Variants in FAM72A observed in about 807,000 individuals in gnomAD.
FAM72A encodes protein FAM72A.
FAM72A carries 1 observed loss-of-function variant against 11.3 expected under a neutral mutation model. That is an observed-to-expected ratio of 0.09 (90% CI 0.03 to 0.42). FAM72A has a LOEUF of 0.42. Ranked by LOEUF, FAM72A falls within the 10% of genes least tolerant of loss-of-function variation. The pLI, the probability that FAM72A is intolerant of heterozygous loss-of-function variation, is 0.98. For synonymous variants in FAM72A, 5 were observed against 46.9 expected (o/e 0.11, Z 3.65); for missense variants, 15 against 135.5 (o/e 0.11, Z 4.41).
intron 3 of FAM72A, among the ~76,000 whole-genome samples, chr1:206,192,026 TTTTGGCAATCC>T (rs1253762483): frequency 2.3e-5 from 3 of 129,660 alleles, no homozygotes; most frequent in Admixed American, 7.9e-5. Flanking sequence ...AAATGGAAGG[TTTTGGCAATCC>T]TGCATTGAGT....
At chr1:206,200,319 T>C in intron 1 of FAM72A, among the ~76,000 whole-genome samples, 1 of 150,614 alleles carries the variant, frequency 6.6e-6, no homozygotes, top group Non-Finnish European at 1.5e-5. Flanking sequence ...AGCTGAAAGC[T>C]AACATAGAAC....
At chr1:206,204,162 C>G, upstream of FAM72A, 1 of 441,686 alleles carries the variant, frequency 2.3e-6, no homozygotes, top group East Asian at 3.8e-5. Context: ...CCACTCCCAT[C>G]CCTAGACCAC....
chr1:206,198,121 AGGGAG>A (rs1553298610), intron 2 of FAM72A, among the ~76,000 whole-genome samples: 2 of 150,950 alleles, frequency 1.3e-5, no homozygotes, highest in Non-Finnish European at 2.9e-5. Context: ...CCTAGCACTT[AGGGAG>A]GCCAAGGCAG....
At chr1:206,203,541 A>G (rs1553299818), upstream of FAM72A, 3 of 552,136 alleles carry the variant, frequency 5.4e-6, no homozygotes, top group East Asian at 3.0e-5. Context: ...AGGCTCCTCC[A>G]GGGACTGGGG....
intron 3 of FAM72A, among the ~76,000 whole-genome samples, chr1:206,191,612 CAAA>C (rs541222246): frequency 1.2e-5 from 1 of 85,436 alleles, no homozygotes; most frequent in Non-Finnish European, 2.4e-5. Flanking sequence ...AACTCTGTCT[CAAA>C]AAAAAAAAAA....
At chr1:206,191,305 A>AC (rs1664776737) in intron 3 of FAM72A, among the ~76,000 whole-genome samples, 1 of 103,342 alleles carries the variant, frequency 9.7e-6, no homozygotes, top group Non-Finnish European at 1.8e-5. Flanking sequence ...TCTCAAAAAA[A>AC]AAAAAAAAAA....
In FAM72A at chr1:206,191,929, C is replaced by T. The variant is rs563651219; in HGVS notation, c.355+3823G>A. 1.2e-3 allele frequency among the ~76,000 whole-genome samples: 179 copies of T among 149,694 alleles called. 3 individuals carry two copies. The highest frequency in any genetic ancestry group is 4.2e-3 in the African/African-American group (170 of 40,428). ...GTGTGGGATTACAGGTGTGAGCCAC[C>T]ATGCCTGGCCTTGCTAAAATAATTA... is the stretch of plus-strand genomic sequence containing the variant. On this transcript the variant is annotated intron_variant, in intron 3 of 3. Transcript: ENST00000367128.
upstream of FAM72A, chr1:206,203,713 C>T (rs1665546073): frequency 7.2e-7 from 1 of 1,393,346 alleles, no homozygotes; most frequent in Non-Finnish European, 9.6e-7. Flanking sequence ...CCTGACTGAA[C>T]AAACCGGGGC....
At chr1:206,194,506 G>A (rs1178418979) in intron 3 of FAM72A, among the ~76,000 whole-genome samples, 1 of 151,868 alleles carries the variant, frequency 6.6e-6, no homozygotes, top group African/African-American at 2.4e-5. Context: ...ACATGCTACA[G>A]AGAAATCTTT....
At chr1:206,193,121 C>G (rs1243353437) in intron 3 of FAM72A, among the ~76,000 whole-genome samples, 3 of 151,564 alleles carry the variant, frequency 2.0e-5, no homozygotes, top group Non-Finnish European at 4.4e-5. Flanking sequence ...CCATGTTGGT[C>G]AGGCTGGTCT....
At chr1:206,191,450 C>T in intron 3 of FAM72A, among the ~76,000 whole-genome samples, 1 of 146,106 alleles carries the variant, frequency 6.8e-6, no homozygotes, top group East Asian at 2.0e-4. Context: ...GAAACCCTGT[C>T]TCTACTAAAA....
chr1:206,203,605 G>A (rs1245447998), upstream of FAM72A: 2 of 598,628 alleles, frequency 3.3e-6, no homozygotes, highest in East Asian at 5.6e-5. Flanking sequence ...AGAGCTCTGA[G>A]TGGGAAGCGG....
At chr1:206,204,791 G>GCC (rs1479102686), upstream of FAM72A, 1 of 119,928 alleles carries the variant, frequency 8.3e-6, no homozygotes, top group African/African-American at 3.8e-5. Flanking sequence ...CCTTCCGCTC[G>GCC]CCGCCCCCCG....
At chr1:206,196,984 C>A (rs1161754393) in intron 2 of FAM72A, among the ~76,000 whole-genome samples, 1 of 146,840 alleles carries the variant, frequency 6.8e-6, no homozygotes, top group Non-Finnish European at 1.5e-5. Flanking sequence ...ATAAAGATTA[C>A]TATAAAAGGT....
intron 2 of FAM72A, among the ~76,000 whole-genome samples, chr1:206,198,101 C>T (rs570111713): frequency 2.1e-3 from 321 of 150,212 alleles, no homozygotes; most frequent in Middle Eastern, 0.014. Flanking sequence ...CGGTGGCTCA[C>T]GCCTGTAATC....
At chr1:206,193,445 G>A (rs1313778477) in intron 3 of FAM72A, among the ~76,000 whole-genome samples, 8 of 151,976 alleles carry the variant, frequency 5.3e-5, no homozygotes, top group African/African-American at 1.7e-4. Context: ...CATCCACCTC[G>A]GCCTCCCAAA....
At chr1:206,205,522 CA>C (rs1332614182), upstream of FAM72A, 1 of 127,126 alleles carries the variant, frequency 7.9e-6, no homozygotes, top group African/African-American at 3.7e-5. Flanking sequence ...GCCTCTACGA[CA>C]AAAAACCGCG....
intron 2 of FAM72A, among the ~76,000 whole-genome samples, chr1:206,199,537 C>CA (rs1455778213): frequency 3.6e-5 from 2 of 55,240 alleles, no homozygotes; most frequent in African/African-American, 1.5e-4. Context: ...ATTGTAAATC[C>CA]AGGTGTTTCT....
chr1:206,198,565 C>T (rs1290828889), intron 2 of FAM72A, among the ~76,000 whole-genome samples: 3 of 148,968 alleles, frequency 2.0e-5, no homozygotes, highest in Non-Finnish European at 4.5e-5. Context: ...ATTTATAATA[C>T]AAACCCCTTC....
Sources: allele counts gnomAD v4.1 joint callset (sites outside exome capture counted in the v4.1 genomes callset), GRCh38; gene constraint gnomAD v4.1.1; transcripts MANE v1.5; gene names NCBI Gene and HGNC (gene_info 2026-07-23, HGNC 2026-07-21).